GRIP1: variants seen among roughly 807,000 people sequenced by gnomAD.
The protein encoded by GRIP1 is glutamate receptor interacting protein 1.
In GRIP1, 45 loss-of-function variants were observed where a neutral mutation model predicts 129.9. The observed-to-expected ratio is 0.35, with a 90% CI of 0.27 to 0.44. The LOEUF (loss-of-function observed/expected upper bound fraction) is 0.44, where lower values mean the gene tolerates loss of function less well. Ranked by LOEUF, GRIP1 falls within the 20% of genes least tolerant of loss-of-function variation. The pLI, the probability that GRIP1 is intolerant of heterozygous loss-of-function variation, is 1.00. For synonymous variants in GRIP1, 530 were observed against 520.8 expected, an observed-to-expected ratio of 1.02 and a Z score of -0.24; for missense variants, 1,196 against 1,396.8, an observed-to-expected ratio of 0.86 and a Z score of 2.29.
At chr12:66,534,640 C>A (rs1038452191) in intron 4 of GRIP1, among the ~76,000 whole-genome samples, 1 of 151,888 alleles carries the variant, frequency 6.6e-6, no homozygotes, top group African/African-American at 2.4e-5. Flanking sequence ...CTCCGTCTTT[C>A]TCCCTCTTTC....
intron 19 of GRIP1, among the ~76,000 whole-genome samples, chr12:66,390,335 T>C (rs529143683): frequency 2.0e-5 from 3 of 152,334 alleles, no homozygotes; most frequent in African/African-American, 4.8e-5. Flanking sequence ...GTGTTCTATA[T>C]ATATAAAGGG....
In GRIP1 at chr12:66,833,870, A is replaced by T. The variant is rs572539575; in HGVS notation, c.58+235180T>A. On this transcript the variant is annotated intron_variant, in intron 1 of 1. Coordinates refer to the GRIP1 transcript ENST00000643019. ...CAAATGTGCTAGCTATTAAAAAAAA[A>T]TTTAAAAGGATTATGTTGGCCAGGC... Among the ~76,000 whole-genome samples the T allele has an allele frequency of 6.6e-5, 10 of 152,268 alleles. No homozygotes were observed. In the South Asian group the frequency reaches 2.1e-3, roughly 32 times the overall value.
At chr12:67,006,982 A>G (rs1245951389) in intron 1 of GRIP1, among the ~76,000 whole-genome samples, 2 of 152,212 alleles carry the variant, frequency 1.3e-5, no homozygotes, top group Non-Finnish European at 2.9e-5. Context: ...ACAGAACAAA[A>G]TCAATCATCA....
chr12:66,820,226 C>T (rs948607843), intron 1 of GRIP1, among the ~76,000 whole-genome samples: 7 of 152,184 alleles, frequency 4.6e-5, no homozygotes, highest in African/African-American at 9.7e-5. Context: ...CTGGCTAACA[C>T]GGTGGTAAAT....
intron 2 of GRIP1, among the ~76,000 whole-genome samples, chr12:66,550,434 T>C (rs1158142854): frequency 6.6e-6 from 1 of 152,210 alleles, no homozygotes; most frequent in Non-Finnish European, 1.5e-5. Flanking sequence ...TATATTTTGA[T>C]TGTTATGAAT....
intron 14 of GRIP1, among the ~76,000 whole-genome samples, 190 bp downstream of exon 14, chr12:66,432,358 G>T (rs1265567376): frequency 6.6e-6 from 1 of 152,124 alleles, no homozygotes; most frequent in African/African-American, 2.4e-5. Context: ...TAAGATTGGA[G>T]AGAGTTTGAG....
intron 5 of GRIP1, among the ~76,000 whole-genome samples, chr12:66,526,134 C>T (rs1264282927): frequency 6.6e-6 from 1 of 151,756 alleles, no homozygotes. Flanking sequence ...ATGCCATCCC[C>T]AACAAGCTAC....
intron 1 of GRIP1, among the ~76,000 whole-genome samples, chr12:67,040,172 A>G (rs1309367565): frequency 6.6e-6 from 1 of 152,084 alleles, no homozygotes; most frequent in Non-Finnish European, 1.5e-5. Flanking sequence ...GTTCCAGAGT[A>G]GAGAGATAAT....
At chr12:66,524,962 C>A (rs1378257597) in intron 5 of GRIP1, among the ~76,000 whole-genome samples, 1 of 152,168 alleles carries the variant, frequency 6.6e-6, no homozygotes, top group Non-Finnish European at 1.5e-5. Context: ...CACATACACC[C>A]TCCCAAGACT....
chr12:66,708,249 T>A (rs1280345008), intron 1 of GRIP1, among the ~76,000 whole-genome samples: 4 of 151,918 alleles, frequency 2.6e-5, no homozygotes, highest in Non-Finnish European at 5.9e-5. Context: ...TTTACATCAA[T>A]AATTGATAAA....
At chr12:66,504,690 CT>C (rs2060479957) in intron 7 of GRIP1, among the ~76,000 whole-genome samples, 1 of 152,142 alleles carries the variant, frequency 6.6e-6, no homozygotes, top group Admixed American at 6.5e-5. Flanking sequence ...TTGACTCCCC[CT>C]GGCCTAGATG....
chr12:66,885,022 T>C (rs533981129), intron 1 of GRIP1, among the ~76,000 whole-genome samples: 1 of 152,198 alleles, frequency 6.6e-6, no homozygotes, highest in Non-Finnish European at 1.5e-5. Context: ...GGTTTTCTGC[T>C]GAACTCCAAA....
intron 1 of GRIP1, among the ~76,000 whole-genome samples, chr12:66,904,515 A>C (rs554174674): frequency 1.3e-5 from 2 of 152,356 alleles, no homozygotes; most frequent in South Asian, 2.1e-4. Flanking sequence ...ACTGTGTCTA[A>C]AAGACATATC....
rs1040504354 is a variant in GRIP1, at chr12:66,766,754, A to G, written c.-420+37299T>C. On this transcript the variant is annotated intron_variant, in intron 1 of 4. Transcript: ENST00000538373. The stretch of plus-strand genomic sequence containing the variant: ...CCAAGACTGGCTAATTTTTTCATTA[A>G]ATTATAAATTTGTTAGTGACATATT... Among the ~76,000 whole-genome samples the G allele has an allele frequency of 5.9e-5, 9 of 152,312 alleles. No individual in the cohort carries two copies. In the East Asian group the frequency reaches 1.7e-3, roughly 29 times the overall value.
chr12:66,479,722 T>C (rs149023106), intron 7 of GRIP1, among the ~76,000 whole-genome samples: 2,057 of 152,266 alleles, frequency 0.014, 54 homozygotes, highest in African/African-American at 0.047. Flanking sequence ...TTATCCACAA[T>C]GATCAAGTAG....
At chr12:66,472,499 T>C (rs898417177) in intron 7 of GRIP1, among the ~76,000 whole-genome samples, 3 of 152,180 alleles carry the variant, frequency 2.0e-5, no homozygotes, top group Non-Finnish European at 4.4e-5. Context: ...ATGGTCAAAA[T>C]GCTTACAAAA....
intron 1 of GRIP1, among the ~76,000 whole-genome samples, chr12:67,009,272 A>C (rs2135710051): frequency 6.6e-6 from 1 of 152,232 alleles, no homozygotes; most frequent in South Asian, 2.1e-4. Flanking sequence ...AGAGGGGATT[A>C]TTTAGCTTTC....
chr12:66,578,495 T>G (rs547706974), intron 2 of GRIP1, among the ~76,000 whole-genome samples: 358 of 152,256 alleles, frequency 2.4e-3, no homozygotes, highest in African/African-American at 7.9e-3. Context: ...GGGAGTTCCC[T>G]TTCCTAGTCA....
intron 1 of GRIP1, among the ~76,000 whole-genome samples, chr12:66,697,227 C>A (rs2035196465): frequency 6.6e-6 from 1 of 152,170 alleles, no homozygotes. Context: ...CTCTCCTGAC[C>A]TATCTCAAAC....
Sources: allele counts gnomAD v4.1 joint callset (sites outside exome capture counted in the v4.1 genomes callset), GRCh38; gene constraint gnomAD v4.1.1; transcripts MANE v1.5; gene names NCBI Gene and HGNC (gene_info 2026-07-23, HGNC 2026-07-21).